The following LARGE1 variants were observed in gnomAD, a reference collection of about 807,000 sequenced individuals.
LARGE1 encodes the protein LARGE xylosyl- and glucuronyltransferase 1.
A neutral mutation model predicts 87.6 loss-of-function variants in LARGE1; 43 were observed. The ratio of observed to expected loss-of-function variants is 0.49; its 90% CI spans 0.38 to 0.63. The LOEUF is 0.63. Ranked by LOEUF, LARGE1 falls within the 30% of genes least tolerant of loss-of-function variation. The pLI is 0.00. For synonymous variants in LARGE1, 434 were observed against 394.6 expected, an observed-to-expected ratio of 1.10 and a Z score of -1.18; for missense variants, 802 against 1,000.2, an observed-to-expected ratio of 0.80 and a Z score of 2.67.
intron 11 of LARGE1, among the ~76,000 whole-genome samples, chr22:33,171,989 C>G (rs4449237): frequency 1.3e-5 from 2 of 152,240 alleles, no homozygotes; most frequent in African/African-American, 4.8e-5. Flanking sequence ...GGGCTGTACC[C>G]TGCAGAGCCA....
At chr22:33,788,956 C>T (rs1275237686) in intron 1 of LARGE1, among the ~76,000 whole-genome samples, 1 of 152,104 alleles carries the variant, frequency 6.6e-6, no homozygotes. Flanking sequence ...AAAGAAAAAC[C>T]CTTTTTCTGA....
chr22:33,503,257 T>TG (rs2070579219), intron 6 of LARGE1, among the ~76,000 whole-genome samples: 1 of 149,986 alleles, frequency 6.7e-6, no homozygotes, highest in African/African-American at 2.5e-5. Context: ...TTTTTTTTTT[T>TG]TGTTTTTTTT....
In LARGE1 at chr22:33,304,256, G is replaced by C. The variant is rs1481257058; in HGVS notation, c.1703C>G (p.Pro568Arg). 6.2e-7 allele frequency: 1 copy of C among 1,614,246 alleles called. No individual in the cohort carries two copies. The highest frequency in any genetic ancestry group is 8.5e-7 in the Non-Finnish European group (1 of 1,180,056). Residue 568 changes from proline to arginine, a missense_variant, in exon 12 of 15, where the codon CCC becomes CGC. Around this residue, in one of 2 missense-constraint regions of LARGE1, gnomAD observed 625 missense variants for 841.9 expected, o/e 0.74. Coordinates refer to ENST00000397394, the MANE Select transcript of LARGE1 (RefSeq NM_133642.5). Reference sequence around the variant, plus strand: ...GAGGTACTCATAGAGCCCATACATGGGCAGGAAGTCAATGTCAGACAGGAA... The same window carrying C: ...GAGGTACTCATAGAGCCCATACATGCGCAGGAAGTCAATGTCAGACAGGAA... ...YMFLSDIDFL[P>R]MYGLYEYLRK...
intron 1 of LARGE1, among the ~76,000 whole-genome samples, chr22:33,820,708 AG>A (rs2086791476): frequency 6.6e-6 from 1 of 152,170 alleles, no homozygotes; most frequent in African/African-American, 2.4e-5. Context: ...TTATATTGCC[AG>A]GCCCTATACT....
chr22:33,630,415 A>G (rs2149092944), intron 3 of LARGE1, among the ~76,000 whole-genome samples: 1 of 152,264 alleles, frequency 6.6e-6, no homozygotes, highest in Non-Finnish European at 1.5e-5. Context: ...TTTAGAGTCC[A>G]CTTACACAAC....
chr22:33,759,901 T>C (rs747143776), intron 2 of LARGE1, among the ~76,000 whole-genome samples: 10 of 152,192 alleles, frequency 6.6e-5, no homozygotes, highest in Non-Finnish European at 1.5e-5. Flanking sequence ...GTTCTGACTG[T>C]TCCAGGGATG....
At chr22:33,773,068 T>C (rs1479838313) in intron 1 of LARGE1, among the ~76,000 whole-genome samples, 1 of 152,124 alleles carries the variant, frequency 6.6e-6, no homozygotes, top group Non-Finnish European at 1.5e-5. Context: ...CTCGTGCACG[T>C]GAGGTCATTT....
chr22:33,497,860 G>A (rs1349769462), intron 6 of LARGE1, among the ~76,000 whole-genome samples: 3 of 152,086 alleles, frequency 2.0e-5, no homozygotes, highest in Admixed American at 6.6e-5. Flanking sequence ...GAGTTACAGA[G>A]TGCTTACTTT....
intron 1 of LARGE1, chr22:33,873,340 A>C (rs1372799712): frequency 6.6e-6 from 1 of 152,262 alleles, no homozygotes; most frequent in African/African-American, 2.4e-5. Context: ...GCACGCCTCG[A>C]TTAGCTGGAG....
At chr22:33,223,312 T>TA (rs1602112436) in intron 11 of LARGE1, among the ~76,000 whole-genome samples, 1 of 152,296 alleles carries the variant, frequency 6.6e-6, no homozygotes, top group African/African-American at 2.4e-5. Flanking sequence ...CATCCAGATT[T>TA]AAAAAAACCG....
At chr22:33,074,962 T>C in the LARGE1 span, among the ~76,000 whole-genome samples, 2,745 of 152,318 alleles carry the variant, frequency 0.018, 38 homozygotes, top group Middle Eastern at 0.065. Context: ...GTTATTCATA[T>C]TATCTACATT....
At chr22:33,808,572 A>G (rs980689269) in intron 1 of LARGE1, among the ~76,000 whole-genome samples, 1 of 151,918 alleles carries the variant, frequency 6.6e-6, no homozygotes, top group Non-Finnish European at 1.5e-5. Context: ...ACAAAGCACA[A>G]GGCACCCTGC....
intron 11 of LARGE1, among the ~76,000 whole-genome samples, chr22:33,212,305 A>C (rs1383800987): frequency 6.6e-6 from 1 of 152,152 alleles, no homozygotes; most frequent in Non-Finnish European, 1.5e-5. Flanking sequence ...CATTCCAAAA[A>C]CTTTAGGGCC....
chr22:33,135,180 T>C, the LARGE1 span, among the ~76,000 whole-genome samples: 1 of 152,200 alleles, frequency 6.6e-6, no homozygotes, highest in Non-Finnish European at 1.5e-5. Context: ...TCATTTCCTT[T>C]CCAGGTTGGC....
At chr22:33,616,698 G>GA (rs1299779697) in intron 4 of LARGE1, among the ~76,000 whole-genome samples, 26 of 152,216 alleles carry the variant, frequency 1.7e-4, no homozygotes, top group Middle Eastern at 3.4e-3. Flanking sequence ...TCTGCCATAT[G>GA]AAAAAAAGCC....
rs1284747640 is a variant in LARGE1, at chr22:33,776,583, T to C, written c.-82-15025A>G. 4.6e-5 allele frequency among the ~76,000 whole-genome samples: 7 copies of C among 152,312 alleles called. No individual in the cohort carries two copies. In the South Asian group the frequency reaches 1.2e-3, roughly 27 times the overall value. On this transcript the variant is annotated intron_variant, in intron 1 of 14. Coordinates refer to ENST00000397394, the MANE Select transcript of LARGE1 (RefSeq NM_133642.5). ...ACCTATGAAGCCCTGCCTTGGAGTATTTCGATCTTTGTTCTTCCGATTTTC... is the reference window on the plus strand; with the variant it reads ...ACCTATGAAGCCCTGCCTTGGAGTACTTCGATCTTTGTTCTTCCGATTTTC...
chr22:33,346,500 G>A (rs1939780207), intron 9 of LARGE1, among the ~76,000 whole-genome samples: 1 of 151,892 alleles, frequency 6.6e-6, no homozygotes, highest in Non-Finnish European at 1.5e-5. Flanking sequence ...ACGAGGTTTC[G>A]CCATGTTGTC....
At chr22:33,671,796 G>A (rs965979715) in intron 2 of LARGE1, among the ~76,000 whole-genome samples, 6 of 152,100 alleles carry the variant, frequency 3.9e-5, no homozygotes, top group African/African-American at 9.7e-5. Flanking sequence ...ATATCCTACC[G>A]TTCAAGGTCA....
chr22:33,540,520 A>G (rs1030253358), intron 6 of LARGE1, among the ~76,000 whole-genome samples: 1 of 152,182 alleles, frequency 6.6e-6, no homozygotes, highest in South Asian at 2.1e-4. Context: ...CCCGTCTCCA[A>G]ACACTCCTCC....
Sources: gnomAD v4.1 joint callset for allele counts (sites outside exome capture counted in the v4.1 genomes callset) on GRCh38, gnomAD v4.1.1 for gene constraint, gnomAD v4.1.1 regional missense constraint, MANE v1.5 for transcripts, NCBI Gene and HGNC (gene_info 2026-07-23, HGNC 2026-07-21) for gene names.